CNTNAP2: variants seen among roughly 807,000 people sequenced by gnomAD.
CNTNAP2 encodes the protein contactin-associated protein-like 2.
A neutral mutation model predicts 155.2 loss-of-function variants in CNTNAP2; 98 were observed. That is an observed-to-expected ratio of 0.63 (90% confidence interval 0.54 to 0.75). CNTNAP2 has a LOEUF of 0.75. Among genes scored for constraint, CNTNAP2 ranks in the 30% least tolerant of loss-of-function variants. CNTNAP2 has a pLI of 0.00. For missense variants in CNTNAP2, 1,727 were observed against 1,688.1 expected (o/e 1.02, Z -0.40); for synonymous variants, 651 against 631.2 (o/e 1.03, Z -0.47).
intron 20 of CNTNAP2, among the ~76,000 whole-genome samples, chr7:148,246,562 T>A (rs1380472771): frequency 6.6e-6 from 1 of 151,732 alleles, no homozygotes; most frequent in Non-Finnish European, 1.5e-5. Context: ...CATTCCACAA[T>A]CACAATTTGA....
chr7:147,610,766 T>C (rs376338958), intron 12 of CNTNAP2, among the ~76,000 whole-genome samples: 1 of 152,016 alleles, frequency 6.6e-6, no homozygotes, highest in East Asian at 1.9e-4. Context: ...TGAGATAGAG[T>C]CTAGCTCTGT....
chr7:146,274,582 T>C (rs1419786744), intron 1 of CNTNAP2, among the ~76,000 whole-genome samples: 1 of 152,150 alleles, frequency 6.6e-6, no homozygotes, highest in East Asian at 1.9e-4. Context: ...GTGCAGTTTG[T>C]TCACCAGACC....
chr7:147,711,370 T>C (rs1382022248), intron 13 of CNTNAP2, among the ~76,000 whole-genome samples: 1 of 152,094 alleles, frequency 6.6e-6, no homozygotes, highest in Non-Finnish European at 1.5e-5. Flanking sequence ...CATACATGAG[T>C]ACAGATGGTT....
chr7:147,524,105 C>T (rs1799275077), intron 11 of CNTNAP2, among the ~76,000 whole-genome samples: 1 of 152,206 alleles, frequency 6.6e-6, no homozygotes, highest in Non-Finnish European at 1.5e-5. Flanking sequence ...CACAACTGCA[C>T]ACATGGTAGC....
intron 14 of CNTNAP2, among the ~76,000 whole-genome samples, chr7:147,944,332 G>A (rs748741139): frequency 1.3e-5 from 2 of 152,146 alleles, no homozygotes; most frequent in Non-Finnish European, 2.9e-5. Context: ...AACATAAATA[G>A]CATGGTTACT....
intron 3 of CNTNAP2, among the ~76,000 whole-genome samples, chr7:146,859,491 T>C (rs141556750): frequency 6.6e-6 from 1 of 152,176 alleles, no homozygotes; most frequent in African/African-American, 2.4e-5. Context: ...ACCCTGTCTC[T>C]CCTAAAAATA....
chr7:147,656,278 A>G (rs1037657687), intron 13 of CNTNAP2, among the ~76,000 whole-genome samples: 2 of 152,190 alleles, frequency 1.3e-5, no homozygotes, highest in Admixed American at 6.5e-5. Flanking sequence ...TAGCACTTTC[A>G]ATTGCCTTTG....
At chr7:147,919,487 C>T (rs1800225191) in intron 14 of CNTNAP2, among the ~76,000 whole-genome samples, 1 of 17,510 alleles carries the variant, frequency 5.7e-5, no homozygotes, top group Non-Finnish European at 1.1e-4. Context: ...GAGACAGAGT[C>T]TTGCTCTGTC....
At chr7:146,475,002 CGCGCGCGCGCGCACACACA>C in intron 1 of CNTNAP2, among the ~76,000 whole-genome samples, 1 of 121,312 alleles carries the variant, frequency 8.2e-6, no homozygotes, top group Admixed American at 9.2e-5. Flanking sequence ...AGCGCGCACG[CGCGCGCGCGCGCACACACA>C]CACACACACA....
intron 1 of CNTNAP2, among the ~76,000 whole-genome samples, chr7:146,415,367 G>A (rs1795924255): frequency 6.6e-6 from 1 of 152,038 alleles, no homozygotes; most frequent in South Asian, 2.1e-4. Context: ...ATTAAGCTAG[G>A]TTGTGTTACA....
chr7:148,156,513 C>A (rs370372360), intron 17 of CNTNAP2, among the ~76,000 whole-genome samples: 3 of 152,092 alleles, frequency 2.0e-5, no homozygotes, highest in East Asian at 3.9e-4. Flanking sequence ...TGTCACAGAG[C>A]CTTCCTGTCT....
At chr7:147,113,393 A>G (rs1800922058) in intron 5 of CNTNAP2, among the ~76,000 whole-genome samples, 1 of 152,060 alleles carries the variant, frequency 6.6e-6, no homozygotes, top group African/African-American at 2.4e-5. Context: ...AAACCAGTGT[A>G]TTAAATTCTC....
chr7:146,535,515 A>G (rs1797854479), intron 1 of CNTNAP2, among the ~76,000 whole-genome samples: 5 of 109,358 alleles, frequency 4.6e-5, no homozygotes. Flanking sequence ...TAAGTAATCA[A>G]TCAACATTTG....
chr7:146,786,948 A>G (rs923289177), intron 2 of CNTNAP2: 1 of 152,196 alleles, frequency 6.6e-6, no homozygotes, highest in Non-Finnish European at 1.5e-5. Flanking sequence ...CCACAACCGG[A>G]AAGACTCTTC....
In CNTNAP2 at chr7:147,054,060, T is replaced by C. The variant is rs145854649; in HGVS notation, c.550+10006T>C. ...CATAACAATCTAGAGCATAGCTTCCTCTCTGACATTTAATACCTCTCTCCT... is the reference window on the plus strand; with the variant it reads ...CATAACAATCTAGAGCATAGCTTCCCCTCTGACATTTAATACCTCTCTCCT... On this transcript the variant is annotated intron_variant, in intron 4 of 23. Coordinates refer to ENST00000361727, the MANE Select transcript of CNTNAP2 (RefSeq NM_014141.6). Among the ~76,000 whole-genome samples the C allele has an allele frequency of 3.5e-3, 535 of 152,304 alleles. 7 individuals carry two copies. Among genetic ancestry groups the C allele is most frequent in the Middle Eastern group, 0.014 (4 of 294 alleles).
chr7:147,974,717 A>G (rs1013890041), intron 14 of CNTNAP2, among the ~76,000 whole-genome samples: 1 of 152,224 alleles, frequency 6.6e-6, no homozygotes, highest in African/African-American at 2.4e-5. Context: ...CATCCCTGGT[A>G]GAAATGTAAA....
intron 14 of CNTNAP2, among the ~76,000 whole-genome samples, chr7:147,928,869 T>A (rs1318142728): frequency 6.6e-6 from 1 of 151,980 alleles, no homozygotes; most frequent in African/African-American, 2.4e-5. Context: ...AGGGGGCAGA[T>A]CACCTGAGGT....
intron 9 of CNTNAP2, among the ~76,000 whole-genome samples, chr7:147,314,441 A>G (rs542968865): frequency 2.4e-4 from 34 of 142,234 alleles, no homozygotes; most frequent in African/African-American, 7.6e-4. Flanking sequence ...CAAAGTTACT[A>G]TGGCATCATT....
chr7:147,150,062 G>C (rs937967563), intron 8 of CNTNAP2, among the ~76,000 whole-genome samples: 2 of 152,142 alleles, frequency 1.3e-5, no homozygotes, highest in Non-Finnish European at 2.9e-5. Context: ...TCCTGTTGTG[G>C]ACGTGTCACG....
Sources: gnomAD v4.1 joint callset for allele counts (sites outside exome capture counted in the v4.1 genomes callset) on GRCh38, gnomAD v4.1.1 for gene constraint, MANE v1.5 for transcripts, NCBI Gene and HGNC (gene_info 2026-07-23, HGNC 2026-07-21) for gene names.